The following TRPC5 variants were observed in gnomAD, a reference collection of about 807,000 sequenced individuals.
TRPC5 encodes the protein short transient receptor potential channel 5.
In TRPC5, 9 loss-of-function variants were observed where a neutral mutation model predicts 56.5. That is an observed-to-expected ratio of 0.16 (90% CI 0.10 to 0.28). TRPC5 has a LOEUF of 0.28. Ranked by LOEUF, TRPC5 falls within the 10% of genes least tolerant of loss-of-function variation. The pLI, the probability that TRPC5 is intolerant of heterozygous loss-of-function variation, is 1.00. For missense variants in TRPC5, 469 were observed against 748.9 expected (o/e 0.63, Z 4.36); for synonymous variants, 282 against 278.5 (o/e 1.01, Z -0.13).
intron 7 of TRPC5, among the ~76,000 whole-genome samples, chrX:111,816,907 T>C (rs1428861961): frequency 9.0e-6 from 1 of 111,713 alleles, no homozygotes; most frequent in Non-Finnish European, 1.9e-5. Context: ...CTGGGTAATA[T>C]AAAATATGTA....
chrX:111,863,823 T>C (rs1248060784), intron 3 of TRPC5, among the ~76,000 whole-genome samples: 2 of 111,648 alleles, frequency 1.8e-5, no homozygotes, highest in Non-Finnish European at 3.8e-5. Context: ...ATCATGTAAG[T>C]TTGTTGAATT....
At chrX:111,931,579 G>C (rs952174003) in intron 2 of TRPC5, among the ~76,000 whole-genome samples, 1 of 112,448 alleles carries the variant, frequency 8.9e-6, no homozygotes, top group African/African-American at 3.2e-5. Flanking sequence ...ACATTGCGAA[G>C]AAGAGAGATA....
intron 3 of TRPC5, among the ~76,000 whole-genome samples, chrX:111,900,614 C>T (rs1473226558): frequency 3.6e-5 from 4 of 111,299 alleles, no homozygotes; most frequent in East Asian, 5.6e-4. Flanking sequence ...CCTGAAGCTT[C>T]GGGGACTTTA....
chrX:112,041,385 C>G (rs890180915), intron 1 of TRPC5, among the ~76,000 whole-genome samples: 54 of 112,272 alleles, frequency 4.8e-4, no homozygotes, highest in African/African-American at 1.7e-3. Context: ...AAATTATAAT[C>G]ATAACATCCA....
intron 1 of TRPC5, among the ~76,000 whole-genome samples, chrX:111,966,376 T>G (rs1927577624): frequency 9.0e-6 from 1 of 111,618 alleles, no homozygotes; most frequent in African/African-American, 3.3e-5. Flanking sequence ...CCAGATGGAT[T>G]CACAGCCGAA....
At chrX:111,870,769 G>C (rs1347471280) in intron 3 of TRPC5, among the ~76,000 whole-genome samples, 1 of 111,634 alleles carries the variant, frequency 9.0e-6, no homozygotes, top group Non-Finnish European at 1.9e-5. Flanking sequence ...TTTTGGACCT[G>C]TAATTGTCCA....
At chrX:111,861,068 A>G (rs1041098763) in intron 3 of TRPC5, among the ~76,000 whole-genome samples, 2 of 112,266 alleles carry the variant, frequency 1.8e-5, no homozygotes, top group African/African-American at 6.5e-5. Context: ...TAGCCTTTTC[A>G]ATTACATGAA....
intron 2 of TRPC5, among the ~76,000 whole-genome samples, chrX:111,944,917 A>T (rs1284523752): frequency 9.0e-6 from 1 of 110,955 alleles, no homozygotes; most frequent in African/African-American, 3.3e-5. Context: ...GAGAGAAGAC[A>T]TTTTTGTTGT....
intron 2 of TRPC5, among the ~76,000 whole-genome samples, chrX:111,916,645 G>C (rs1925985192): frequency 8.9e-6 from 1 of 112,106 alleles, no homozygotes; most frequent in Admixed American, 9.4e-5. Context: ...GATAGAAACT[G>C]GTAAACTGCA....
At chrX:111,888,520 AAAAAG>A (rs1249379753) in intron 3 of TRPC5, among the ~76,000 whole-genome samples, 1 of 104,531 alleles carries the variant, frequency 9.6e-6, no homozygotes, top group African/African-American at 3.5e-5. Context: ...CAAAAAAAAA[AAAAAG>A]AAAGAAAAGA....
chrX:111,938,845 C>A (rs189750797), intron 2 of TRPC5, among the ~76,000 whole-genome samples: 1 of 112,110 alleles, frequency 8.9e-6, no homozygotes, highest in East Asian at 2.8e-4. Context: ...TATAGCATGT[C>A]ATCTGCAAAT....
intron 3 of TRPC5, among the ~76,000 whole-genome samples, chrX:111,891,539 T>C (rs1449617524): frequency 2.7e-5 from 3 of 110,962 alleles, no homozygotes; most frequent in African/African-American, 1.0e-4. Context: ...TTATTTTGTT[T>C]ATTTTATTTT....
At position 111,771,137 on chromosome X, in the gene TRPC5, A is replaced by G. The variant is rs1328783780; in HGVS notation, c.*5176T>C. 9.0e-6 allele frequency among the ~76,000 whole-genome samples: 1 copy of G among 111,620 alleles called. No homozygotes were observed. The highest frequency in any genetic ancestry group is 1.9e-5 in the Non-Finnish European group (1 of 53,119). On this transcript the variant is annotated 3_prime_UTR_variant, in exon 11 of 11. Transcript: ENST00000262839. The stretch of plus-strand genomic sequence containing the variant: ...AGGGGGAGGAGGGTAGGACAGATAC[A>G]TGCTACTTTCAGGGATGTATGACAG...
chrX:111,907,593 C>G (rs1018939097), intron 3 of TRPC5, among the ~76,000 whole-genome samples: 3 of 108,903 alleles, frequency 2.8e-5, no homozygotes, highest in Non-Finnish European at 5.7e-5. Flanking sequence ...CCACTGCATT[C>G]CAGCCTGGGT....
At chrX:111,929,517 A>G (rs1272150898) in intron 2 of TRPC5, among the ~76,000 whole-genome samples, 3 of 112,388 alleles carry the variant, frequency 2.7e-5, no homozygotes, top group African/African-American at 9.7e-5. Flanking sequence ...GACCACAGCT[A>G]AACAGTTATC....
At chrX:111,797,837 ATATAT>A (rs1434272577) in intron 7 of TRPC5, among the ~76,000 whole-genome samples, 2 of 111,603 alleles carry the variant, frequency 1.8e-5, no homozygotes, top group South Asian at 3.7e-4. Flanking sequence ...CTTTATTGAG[ATATAT>A]TATATACATC....
intron 7 of TRPC5, among the ~76,000 whole-genome samples, chrX:111,816,516 A>C (rs949667962): frequency 8.0e-5 from 9 of 112,241 alleles, no homozygotes; most frequent in African/African-American, 2.9e-4. Flanking sequence ...GCCTTCAACA[A>C]AGTCATTTAC....
At chrX:111,849,393 A>G (rs760017051) in intron 5 of TRPC5, among the ~76,000 whole-genome samples, 1 of 112,865 alleles carries the variant, frequency 8.9e-6, no homozygotes, top group Non-Finnish European at 1.9e-5. Flanking sequence ...AGAATCAGAT[A>G]GTACATATTT....
At chrX:111,942,637 A>G (rs759310529) in intron 2 of TRPC5, among the ~76,000 whole-genome samples, 15 of 112,120 alleles carry the variant, frequency 1.3e-4, no homozygotes, top group Non-Finnish European at 2.8e-4. Context: ...GCACAGATAC[A>G]TGAGAGTAGG....
Sources: gnomAD v4.1 joint callset for allele counts (sites outside exome capture counted in the v4.1 genomes callset) on GRCh38, gnomAD v4.1.1 for gene constraint, MANE v1.5 for transcripts, NCBI Gene and HGNC (gene_info 2026-07-23, HGNC 2026-07-21) for gene names.